SPATC1L: variants seen among roughly 807,000 people sequenced by gnomAD.
SPATC1L encodes spermatogenesis and centriole associated 1 like.
SPATC1L carries 20 observed loss-of-function variants against 21.2 expected under a neutral mutation model. That is an observed-to-expected ratio of 0.94 (90% CI 0.66 to 1.37). The LOEUF (loss-of-function observed/expected upper bound fraction) is 1.37. Ranked by LOEUF, SPATC1L falls within the 40% of genes most tolerant of loss-of-function variation. The pLI is 0.00. For synonymous variants in SPATC1L, 290 were observed against 234.5 expected (o/e 1.24, Z -2.16); for missense variants, 499 against 478.7 (o/e 1.04, Z -0.40).
Position 46,161,564 on chromosome 21 carries a change from T to C in SPATC1L, c.838A>G (p.Asn280Asp). ...CGCTGCTTCAGGATTCCGTAGGTGT[T>C]GATGAGGAACTCGCTGAACGCCGGG... ...VHPAFSEFLINTYGILKQRPD... is the reference protein window; with the variant it reads ...VHPAFSEFLIDTYGILKQRPD... The change falls in exon 5 of 5, where the codon AAC (asparagine) becomes GAC (aspartate). Residue 280 changes from asparagine (N) to aspartate (D), a missense_variant. By Grantham distance (23) the Asn-to-Asp change is conservative. Transcript: ENST00000291672. 1 of 1,610,766 alleles carries C rather than the reference T, an allele frequency of 6.2e-7. No individual in the cohort carries two copies. Among genetic ancestry groups the C allele is most frequent in the Non-Finnish European group, 8.5e-7 (1 of 1,179,070 alleles).
In SPATC1L at chr21:46,172,098, C is replaced by CGG. The variant is rs1457861757; in HGVS notation, c.194-3441_194-3440insCC. Among the ~76,000 whole-genome samples the CGG allele has an allele frequency of 8.9e-4, 33 of 37,236 alleles. 1 individual carries two copies. The East Asian group carries it at 0.12, about 135-fold the overall frequency. The allele number at this position is 37,236 out of a possible 152,430, so 24.4% of individuals were successfully genotyped here. On this transcript the variant is annotated intron_variant, in intron 2 of 4. Coordinates refer to ENST00000291672, the MANE Select transcript of SPATC1L (RefSeq NM_001142854.2). Reference sequence around the variant, plus strand: ...GGCGGGGGATGCACAGAGCATGAGGCAGGAGTGCAGAGCATGAGGCGGGGG... The same window carrying CGG: ...GGCGGGGGATGCACAGAGCATGAGGCGGAGGAGTGCAGAGCATGAGGCGGGGG...
rs1569002424 is a variant in SPATC1L, at chr21:46,174,340, AAAAC to A, written c.194-5686_194-5683del. On this transcript the variant is annotated intron_variant, in intron 2 of 4. Transcript: ENST00000291672. ...AGAGCAAGACTCTGTCTCAAAAAAC[AAAAC>A]AAAAAAAAAAAAAAAACAGAATGGC... 6.0e-3 allele frequency among the ~76,000 whole-genome samples: 621 copies of A among 102,970 alleles called. 29 individuals are homozygous for A. The highest frequency in any genetic ancestry group is 0.027 in the African/African-American group (557 of 20,842). 67.6% of individuals were successfully genotyped at this position (102,970 alleles called of 152,430 possible).
chr21:46,162,072 G>A lies in SPATC1L; in HGVS notation c.545-5C>T, dbSNP rs763672194. The stretch of plus-strand genomic sequence containing the variant: ...CGCCCGCGAAGCTCTGGATCTCTGG[G>A]GGAGGGAAGGCCGGGGACAAGGTCA... On this transcript the variant is annotated splice_polypyrimidine_tract_variant and splice_region_variant and intron_variant, in intron 3 of 4. Coordinates refer to ENST00000291672, the MANE Select transcript of SPATC1L (RefSeq NM_001142854.2). 3 of 1,567,198 alleles carry A rather than the reference G, an allele frequency of 1.9e-6. No individual in the cohort carries two copies. In the African/African-American group the frequency reaches 4.0e-5, roughly 21 times the overall value.
At position 46,161,488 on chromosome 21, in the gene SPATC1L, T is replaced by C; in HGVS notation, c.914A>G (p.Lys305Arg). The C allele has an allele frequency of 6.2e-7, 1 of 1,605,250 alleles. No individual in the cohort carries two copies. Among genetic ancestry groups the C allele is most frequent in the South Asian group, 1.1e-5 (1 of 90,666 alleles). The change falls in exon 5 of 5, where the codon AAG (lysine) becomes AGG (arginine). Residue 305 changes from lysine to arginine, a missense_variant. Coordinates refer to ENST00000291672, the MANE Select transcript of SPATC1L (RefSeq NM_001142854.2). ...PLHSSPAALR[K>R]LVIDVVPPKF... The stretch of plus-strand genomic sequence containing the variant: ...GGGGGGCACCACGTCGATGACCAGC[T>C]TGCGCAGCGCGGCCGGGCTGCTGTG...
chr21:46,167,881 T>C (rs1290467436), intron 3 of SPATC1L, among the ~76,000 whole-genome samples: 2 of 152,186 alleles, frequency 1.3e-5, no homozygotes, highest in Non-Finnish European at 2.9e-5. Context: ...CTGTGTGACC[T>C]TGGGCTTGGC....
In SPATC1L at chr21:46,161,720, C is replaced by T. The variant is rs2079494600; in HGVS notation, c.697-15G>A. The T allele has an allele frequency of 6.4e-7, 1 of 1,568,528 alleles. No individual in the cohort carries two copies. The highest frequency in any genetic ancestry group is 1.3e-5 in the African/African-American group (1 of 74,092). On this transcript the variant is annotated splice_polypyrimidine_tract_variant and intron_variant, in intron 4 of 4. Coordinates refer to ENST00000291672, the MANE Select transcript of SPATC1L (RefSeq NM_001142854.2). ...TTGGTGGAGGTCTGCGGGCGCAGCG[C>T]ATGGATGGGGGTGGGGGGCTCGGGG...
chr21:46,165,201 C>A (rs1243800470), intron 3 of SPATC1L, among the ~76,000 whole-genome samples: 2 of 152,202 alleles, frequency 1.3e-5, no homozygotes, highest in Non-Finnish European at 2.9e-5. Context: ...GAAATAGATA[C>A]TCTGAATAGC....
intron 2 of SPATC1L, among the ~76,000 whole-genome samples, chr21:46,172,089 AGCATGAGGCAGGAGTG>A (rs2079595467): frequency 1.7e-5 from 1 of 59,262 alleles, no homozygotes; most frequent in Non-Finnish European, 3.9e-5. Context: ...GGATGCACAG[AGCATGAGGCAGGAGTG>A]CAGAGCATGA....
At position 46,182,804 on chromosome 21, in the gene SPATC1L, C is replaced by A; in HGVS notation, c.13G>T (p.Gly5Cys). 1.3e-6 allele frequency: 2 copies of A among 1,540,458 alleles called. No individual in the cohort carries two copies. The highest frequency in any genetic ancestry group is 8.8e-7 in the Non-Finnish European group (1 of 1,142,284). ...CTCAGGAGCCGGCTCATCAGCTCGC[C>A]GCCTTCAGCCATGGCGGGTGCGTCC... Reference protein sequence around the residue: MAEGGELMSRLLSEN... With the variant: MAEGCELMSRLLSEN... The change falls in exon 2 of 5, where the codon GGC becomes TGC. Residue 5 changes from glycine (G) to cysteine (C), a missense_variant. Gly to Cys is a radical substitution (Grantham distance 159). Coordinates refer to ENST00000291672, the MANE Select transcript of SPATC1L (RefSeq NM_001142854.2).
In SPATC1L at chr21:46,177,981, C is replaced by T. The variant is rs181709455; in HGVS notation, c.193+4643G>A. 1.5e-3 allele frequency among the ~76,000 whole-genome samples: 226 copies of T among 152,264 alleles called. 1 individual carries two copies. Among genetic ancestry groups the T allele is most frequent in the Non-Finnish European group, 2.0e-3 (135 of 68,018 alleles). ...GGGAGCAGTGGCTCATGCCTGTAAT[C>T]CCAGTACTTTGGGAGGCCAAGGCAG... On this transcript the variant is annotated intron_variant, in intron 2 of 4. Transcript: ENST00000291672.
chr21:46,163,320 AGTTT>A (rs771359022), intron 3 of SPATC1L, among the ~76,000 whole-genome samples: 1 of 152,134 alleles, frequency 6.6e-6, no homozygotes. Context: ...GAAGCACAAA[AGTTT>A]GTTTTTTTGT....
In SPATC1L at chr21:46,161,342, G is replaced by A. The variant is rs754633900; in HGVS notation, c.*37C>T. The A allele has an allele frequency of 1.1e-5, 16 of 1,474,990 alleles. No homozygotes were observed. Among genetic ancestry groups the A allele is most frequent in the Admixed American group, 4.8e-5 (2 of 42,032 alleles). The allele number at this position is 1,474,990 out of a possible 1,614,324, so 91.4% of individuals were successfully genotyped here. A position where few individuals can be genotyped will look rare whatever the true frequency, so the allele number is the denominator to read the frequency against. On this transcript the variant is annotated 3_prime_UTR_variant, in exon 5 of 5. Coordinates refer to ENST00000291672, the MANE Select transcript of SPATC1L (RefSeq NM_001142854.2). ...ACCGCGGCCCCGGGTTGGAACAAAC[G>A]CGTTTACTGCAGGCAAGGCGGCGGG... is the stretch of plus-strand genomic sequence containing the variant.
intron 2 of SPATC1L, among the ~76,000 whole-genome samples, chr21:46,182,399 G>A (rs369279849): frequency 4.1e-4 from 62 of 152,330 alleles, no homozygotes; most frequent in Non-Finnish European, 7.2e-4. Flanking sequence ...ACCTGCCAGC[G>A]GTTGACCACT....
chr21:46,168,536 A>T lies in SPATC1L; in HGVS notation c.316T>A (p.Cys106Ser). The change falls in exon 3 of 5, where the codon TGT (cysteine) becomes AGT (serine). Residue 106 changes from cysteine (C) to serine (S), a missense_variant. Physicochemically the swap from Cys to Ser is moderately radical, Grantham distance 112 (BLOSUM62 -1). Coordinates refer to ENST00000291672, the MANE Select transcript of SPATC1L (RefSeq NM_001142854.2). ...AAGGGTGCCTGGGAGGGGGCTGCAC[A>T]GCCCGGGGAGGTGTCGTCCTCGCTG... ...LSSEDDTSPG[C>S]AAPSQAPFKA... 6.6e-7 allele frequency: 1 copy of T among 1,518,104 alleles called. No homozygotes were observed. Among genetic ancestry groups the T allele is most frequent in the East Asian group, 2.5e-5 (1 of 40,082 alleles). 94.0% of individuals were successfully genotyped at this position (1,518,104 alleles called of 1,614,324 possible).
chr21:46,172,606 T>C (rs1447776781), intron 2 of SPATC1L, among the ~76,000 whole-genome samples: 1 of 152,170 alleles, frequency 6.6e-6, no homozygotes. Context: ...TCACCTTCCC[T>C]GGAGGAGGCC....
intron 2 of SPATC1L, among the ~76,000 whole-genome samples, chr21:46,175,859 G>A (rs551039721): frequency 6.6e-6 from 1 of 152,224 alleles, no homozygotes; most frequent in Admixed American, 6.5e-5. Context: ...AACAAAAAAA[G>A]ATAACTTCAG....
rs186601643 is a variant in SPATC1L at position 46,175,716 on chromosome 21, T to G, written c.193+6908A>C. 2.5e-3 allele frequency among the ~76,000 whole-genome samples: 386 copies of G among 152,304 alleles called. 3 individuals are homozygous for G. The highest frequency in any genetic ancestry group is 8.4e-3 in the African/African-American group (351 of 41,564). On this transcript the variant is annotated intron_variant, in intron 2 of 4. Coordinates refer to ENST00000291672, the MANE Select transcript of SPATC1L (RefSeq NM_001142854.2). ...GGACCAGATGGATTCACAGCTGAATTGTACCAGATGTACAAAGAAGAGCTG... is the reference window on the plus strand; with the variant it reads ...GGACCAGATGGATTCACAGCTGAATGGTACCAGATGTACAAAGAAGAGCTG...
At chr21:46,166,720 G>A (rs1430393421) in intron 3 of SPATC1L, among the ~76,000 whole-genome samples, 1 of 152,206 alleles carries the variant, frequency 6.6e-6, no homozygotes, top group Non-Finnish European at 1.5e-5. Flanking sequence ...AATTCAGCAA[G>A]AGGATATAAC....
chr21:46,172,094 GAGGCAGGAGTGCAGAGCAT>G, intron 2 of SPATC1L, among the ~76,000 whole-genome samples: 3 of 61,698 alleles, frequency 4.9e-5, no homozygotes, highest in African/African-American at 4.0e-5. Context: ...CACAGAGCAT[GAGGCAGGAGTGCAGAGCAT>G]GAGGCGGGGG....
Sources: gnomAD v4.1 joint callset for allele counts (sites outside exome capture counted in the v4.1 genomes callset) on GRCh38, gnomAD v4.1.1 for gene constraint, MANE v1.5 for transcripts, NCBI Gene and HGNC (gene_info 2026-07-23, HGNC 2026-07-21) for gene names.